Variants in ZNF565 observed in about 807,000 individuals in gnomAD.
ZNF565 encodes the protein zinc finger protein 565.
ZNF565 carries 27 observed loss-of-function variants against 39.4 expected under a neutral mutation model. The ratio of observed to expected loss-of-function variants is 0.69; its 90% CI spans 0.51 to 0.95. The LOEUF (loss-of-function observed/expected upper bound fraction) is 0.95, where lower values mean the gene tolerates loss of function less well. ZNF565 is among the 40% of genes least tolerant of loss of function. The probability of loss-of-function intolerance (pLI) is 0.00; values close to 1 mark genes in which losing one functional copy is unlikely to be tolerated. For missense variants in ZNF565, 524 were observed against 621.1 expected (o/e 0.84, Z 1.66); for synonymous variants, 185 against 216.6 (o/e 0.85, Z 1.28).
chr19:36,201,592 A>C (rs760409490), intron 2 of ZNF565, among the ~76,000 whole-genome samples: 1 of 152,076 alleles, frequency 6.6e-6, no homozygotes, highest in Non-Finnish European at 1.5e-5. Flanking sequence ...CTCCTGCCTC[A>C]GCCTCCTGAG....
At chr19:36,240,508 C>G (rs1308266722) in intron 1 of ZNF565, among the ~76,000 whole-genome samples, 1 of 152,128 alleles carries the variant, frequency 6.6e-6, no homozygotes, top group Non-Finnish European at 1.5e-5. Flanking sequence ...GTTGAATGTC[C>G]CACCCAAAAC....
At chr19:36,200,816 G>A (rs1379836605) in intron 2 of ZNF565, among the ~76,000 whole-genome samples, 3 of 149,864 alleles carry the variant, frequency 2.0e-5, no homozygotes, top group African/African-American at 4.9e-5. Context: ...ACAGAGTCTC[G>A]CTGTGTCGCC....
chr19:36,190,521 A>G (rs1464763381), intron 4 of ZNF565, among the ~76,000 whole-genome samples: 2 of 150,968 alleles, frequency 1.3e-5, no homozygotes, highest in African/African-American at 4.9e-5. Context: ...AGTTGCGATG[A>G]GCGGAGATCT....
intron 2 of ZNF565, among the ~76,000 whole-genome samples, chr19:36,199,732 T>G (rs1256794535): frequency 6.6e-6 from 1 of 152,094 alleles, no homozygotes; most frequent in African/African-American, 2.4e-5. Flanking sequence ...TGCAGGCTGG[T>G]CTTGTACTCC....
Position 36,195,193 on chromosome 19 carries a change from A to G in ZNF565, c.10-37T>C, listed in dbSNP as rs373114161. 41 of 1,575,744 alleles carry G rather than the reference A, an allele frequency of 2.6e-5. 2 individuals are homozygous for G. Among genetic ancestry groups the G allele is most frequent in the East Asian group, 2.5e-4 (11 of 44,416 alleles). The stretch of plus-strand genomic sequence containing the variant: ...AACCCACGCATTAGTGTACATTAAG[A>G]AACTTTTTTCATTTATTATGAAAAT... On this transcript the variant is annotated intron_variant, in intron 2 of 4. Coordinates refer to ENST00000304116, the MANE Select transcript of ZNF565 (RefSeq NM_152477.5).
chr19:36,194,083 C>T lies in ZNF565; in HGVS notation c.232+150G>A, dbSNP rs139833531. On this transcript the variant is annotated intron_variant, in intron 4 of 4. Coordinates refer to ENST00000304116, the MANE Select transcript of ZNF565 (RefSeq NM_152477.5). The stretch of plus-strand genomic sequence containing the variant: ...AGGCCAAGGTTCTCTTGGAAGCTGA[C>T]GCTAATAAAGTCTTTACTCGCCACA... 6.7e-4 allele frequency: 362 copies of T among 541,488 alleles called. 4 individuals carry two copies. In the East Asian group the frequency reaches 0.011, roughly 16 times the overall value. The allele number at this position is 541,488 out of a possible 1,614,324, so 33.5% of individuals were successfully genotyped here.
intron 1 of ZNF565, among the ~76,000 whole-genome samples, chr19:36,241,488 A>C (rs1388648872): frequency 6.8e-6 from 1 of 147,912 alleles, no homozygotes; most frequent in Non-Finnish European, 1.5e-5. Context: ...CTGTATTAAA[A>C]AAAAAAAAAA....
At chr19:36,220,913 G>A (rs906475735) in intron 1 of ZNF565, among the ~76,000 whole-genome samples, 1 of 149,652 alleles carries the variant, frequency 6.7e-6, no homozygotes, top group African/African-American at 2.5e-5. Flanking sequence ...GTGCAGTGGT[G>A]TGATCTTGGC....
upstream of ZNF565, among the ~76,000 whole-genome samples, chr19:36,219,088 G>A (rs1217663347): frequency 4.6e-5 from 7 of 152,260 alleles, no homozygotes; most frequent in South Asian, 4.1e-4. Context: ...GATTACAGGC[G>A]TGAGCCACTG....
Position 36,183,631 on chromosome 19 carries a change from C to A in ZNF565, c.335G>T (p.Gly112Val), listed in dbSNP as rs75766177. ...MESLKCSDLE[G>V]SDFRADWECE... ...TTCCCAGTCAGCTCTAAAATCGGAG[C>A]CCTCCAGGTCACTGCATTTAAGGCT... Residue 112 changes from glycine (G) to valine (V), a missense_variant, in exon 5 of 5, where the codon GGC becomes GTC. By Grantham distance (109) the Gly-to-Val change is moderately radical. Transcript: ENST00000304116. 3.2e-3 allele frequency: 5,092 copies of A among 1,614,138 alleles called. 262 individuals are homozygous for A. In the East Asian group the frequency reaches 0.1, roughly 32 times the overall value.
Position 36,183,727 on chromosome 19 carries a change from T to TC in ZNF565, c.238dup (p.Glu80GlyfsTer5). ...TTGTAGAAATTTCTCACACCTGGAC[T>TC]CCAAGTCTGAAAAATAAGAAAAAGA... On this transcript the variant is annotated frameshift_variant, in exon 5 of 5. Coordinates refer to ENST00000304116, the MANE Select transcript of ZNF565 (RefSeq NM_152477.5). LOFTEE classifies it low-confidence loss of function (END_TRUNC). 6.3e-7 allele frequency: 1 copy of TC among 1,599,886 alleles called. No individual in the cohort carries two copies. Among genetic ancestry groups the TC allele is most frequent in the East Asian group, 2.2e-5 (1 of 44,728 alleles).
intron 1 of ZNF565, among the ~76,000 whole-genome samples, chr19:36,213,831 A>C (rs1568425297): frequency 6.6e-6 from 1 of 151,456 alleles, no homozygotes; most frequent in Non-Finnish European, 1.5e-5. Context: ...GGACACAATC[A>C]CAGACACCTC....
chr19:36,242,571 C>CA (rs1428915598), intron 1 of ZNF565, among the ~76,000 whole-genome samples: 1 of 151,764 alleles, frequency 6.6e-6, no homozygotes, highest in Non-Finnish European at 1.5e-5. Context: ...ACTAAGAATA[C>CA]AAAAATTACC....
rs1460126126 is a variant in ZNF565 at position 36,182,779 on chromosome 19, C to T, written c.1187G>A (p.Cys396Tyr). The stretch of plus-strand genomic sequence containing the variant: ...TGAGCTACGACTAAATGCCTTCCCG[C>T]AGTCCTTACATTCATAGGGTCTGTC... Reference protein sequence around the residue: ...TGDRPYECKDCGKAFSRSSYL... With the variant: ...TGDRPYECKDYGKAFSRSSYL... Residue 396 changes from cysteine to tyrosine, a missense_variant, in exon 5 of 5, where the codon TGC becomes TAC. Physicochemically the swap from Cys to Tyr is radical, Grantham distance 194. Transcript: ENST00000304116. The T allele has an allele frequency of 6.2e-7, 1 of 1,614,042 alleles. No individual in the cohort carries two copies. Among genetic ancestry groups the T allele is most frequent in the Non-Finnish European group, 8.5e-7 (1 of 1,180,040 alleles).
intron 1 of ZNF565, among the ~76,000 whole-genome samples, chr19:36,210,432 A>G (rs1380418867): frequency 6.6e-6 from 1 of 151,342 alleles, no homozygotes; most frequent in East Asian, 1.9e-4. Flanking sequence ...AAAAAAAAAA[A>G]AAAAAAAAAA....
At chr19:36,187,698 C>T (rs1439572813) in intron 4 of ZNF565, among the ~76,000 whole-genome samples, 1 of 150,598 alleles carries the variant, frequency 6.6e-6, no homozygotes, top group Non-Finnish European at 1.5e-5. Context: ...AGTGCAGTGG[C>T]ATAATCTTGG....
intron 1 of ZNF565, among the ~76,000 whole-genome samples, chr19:36,244,562 T>A (rs1047922686): frequency 3.6e-4 from 55 of 150,724 alleles, no homozygotes; most frequent in South Asian, 8.4e-4. Flanking sequence ...AATTTTTTTT[T>A]AAAAAGGAGG....
In ZNF565 at chr19:36,245,614, C is replaced by G; in HGVS notation, c.-84G>C. ...GGCTTGAGATGCAGCCTCCCAGCTT[C>G]GAGGCTACCACCTGCCCGAATTGGT... On this transcript the variant is annotated 5_prime_UTR_variant, in exon 1 of 5. Coordinates refer to the ZNF565 transcript ENST00000355114. This position sits in a 1 kb window ranked among gnomAD's most constrained non-coding sequence, Gnocchi z 4.4. The G allele has an allele frequency of 1.4e-6, 1 of 700,460 alleles. No individual in the cohort carries two copies. The highest frequency in any genetic ancestry group is 2.7e-5 in the East Asian group (1 of 37,256). The allele number at this position is 700,460 out of a possible 1,614,324, so 43.4% of individuals were successfully genotyped here.
rs1213171174 is a variant in ZNF565 at position 36,183,561 on chromosome 19, A to G, written c.405T>C (p.Phe135=). The G allele has an allele frequency of 2.2e-5, 35 of 1,614,210 alleles. No individual in the cohort carries two copies. The highest frequency in any genetic ancestry group is 2.9e-5 in the Non-Finnish European group (34 of 1,180,048). The change falls in exon 5 of 5, where the codon TTT becomes TTC. Residue 135 remains phenylalanine (F), a synonymous_variant. Coordinates refer to ENST00000304116, the MANE Select transcript of ZNF565 (RefSeq NM_152477.5). ...FERQVNEECY[F]KQVNVTYGHM... is the part of the protein sequence containing the mutation. Reference sequence around the variant, plus strand: ...GTCCATAGGTGACGTTCACTTGCTTAAAATAGCACTCTTCATTGACTTGTC... The same window carrying G: ...GTCCATAGGTGACGTTCACTTGCTTGAAATAGCACTCTTCATTGACTTGTC...
Sources: allele counts gnomAD v4.1 joint callset (sites outside exome capture counted in the v4.1 genomes callset), GRCh38; gene constraint gnomAD v4.1.1; non-coding constraint Gnocchi (gnomAD v3.1); transcripts MANE v1.5; gene names NCBI Gene and HGNC (gene_info 2026-07-23, HGNC 2026-07-21).